Variants in GRIK2 observed in about 807,000 individuals in gnomAD.
The protein encoded by GRIK2 is glutamate ionotropic receptor kainate type subunit 2, also known as glutamate receptor ionotropic, kainate 2.
A neutral mutation model predicts 100.3 loss-of-function variants in GRIK2; 32 were observed. That is an observed-to-expected ratio of 0.32 (90% CI 0.24 to 0.43). The LOEUF (loss-of-function observed/expected upper bound fraction) is 0.43. Ranked by LOEUF, GRIK2 falls within the 20% of genes least tolerant of loss-of-function variation. The pLI is 1.00. For synonymous variants in GRIK2, 417 were observed against 389.4 expected, an observed-to-expected ratio of 1.07 and a Z score of -0.83; for missense variants, 843 against 1,114.9, an observed-to-expected ratio of 0.76 and a Z score of 3.47.
At chr6:102,046,929 A>T (rs1371487784) in intron 15 of GRIK2, among the ~76,000 whole-genome samples, 1 of 152,190 alleles carries the variant, frequency 6.6e-6, no homozygotes, top group African/African-American at 2.4e-5. Flanking sequence ...ATTAACAAGT[A>T]TGTAGAAATT....
intron 9 of GRIK2, among the ~76,000 whole-genome samples, chr6:101,809,471 A>G (rs1259104765): frequency 6.6e-6 from 1 of 152,018 alleles, no homozygotes; most frequent in African/African-American, 2.4e-5. Flanking sequence ...GAACTTATCT[A>G]AATCTGAAAA....
At chr6:102,006,388 ATATTT>A (rs1274538316) in intron 14 of GRIK2, among the ~76,000 whole-genome samples, 1 of 111,920 alleles carries the variant, frequency 8.9e-6, no homozygotes, top group African/African-American at 5.3e-5. Flanking sequence ...ATATATATAT[ATATTT>A]TTTTTTTTTT....
intron 7 of GRIK2, among the ~76,000 whole-genome samples, chr6:101,761,368 T>A (rs1383974788): frequency 6.6e-6 from 1 of 152,088 alleles, no homozygotes; most frequent in Non-Finnish European, 1.5e-5. Context: ...TTTTTCCCCA[T>A]GCAGCTATTT....
At chr6:101,994,640 T>G (rs1207491030) in intron 14 of GRIK2, among the ~76,000 whole-genome samples, 1 of 151,796 alleles carries the variant, frequency 6.6e-6, no homozygotes, top group African/African-American at 2.4e-5. Flanking sequence ...TGTGCAGGAT[T>G]TCTCCCCTAG....
chr6:101,489,037 G>A (rs1209782711), intron 2 of GRIK2, among the ~76,000 whole-genome samples: 1 of 146,104 alleles, frequency 6.8e-6, no homozygotes. Context: ...ATATTTTAAT[G>A]GGAAATTTTA....
rs1790054683 is a variant in GRIK2, at chr6:101,928,453, G to T, written c.1906G>T (p.Val636Leu). 6.2e-7 allele frequency: 1 copy of T among 1,607,342 alleles called. No individual in the cohort carries two copies. The highest frequency in any genetic ancestry group is 1.3e-5 in the African/African-American group (1 of 74,756). The change falls in exon 14 of 17, where the codon GTG becomes TTG. Residue 636 changes from valine to leucine, a missense_variant. Around this residue, in one of 3 missense-constraint regions of GRIK2, gnomAD observed 237 missense variants for 388.0 expected, o/e 0.61. Transcript: ENST00000369134. ...GCCCAAAGCACTGTCCACCAGGATA[G>T]TGGGAGGCATTTGGTGGTTTTTCAC... Reference protein sequence around the residue: ...LMPKALSTRIVGGIWWFFTLI... With the variant: ...LMPKALSTRILGGIWWFFTLI...
At position 101,889,742 on chromosome 6, in the gene GRIK2, C is replaced by T. The variant is rs750202511; in HGVS notation, c.1627C>T (p.Arg543Cys). ...GACACTTGGAATAAGTATTTTGTAC[C>T]GCAAGCCCAATGGTACAAACCCAGG... ...FMTLGISILY[R>C]KPNGTNPGVF... The change falls in exon 12 of 17, where the codon CGC (arginine) becomes TGC (cysteine). Residue 543 changes from arginine (R) to cysteine (C), a missense_variant. Transcript: ENST00000369134. 3.7e-6 allele frequency: 6 copies of T among 1,612,264 alleles called. No individual in the cohort carries two copies. The highest frequency in any genetic ancestry group is 1.1e-5 in the South Asian group (1 of 91,056).
chr6:102,022,810 C>T (rs1421805742), intron 14 of GRIK2, among the ~76,000 whole-genome samples: 1 of 151,506 alleles, frequency 6.6e-6, no homozygotes, highest in Non-Finnish European at 1.5e-5. Flanking sequence ...ACTAGCTGTG[C>T]CTGCTAGAGC....
Position 102,069,847 on chromosome 6 carries a change from A to C in GRIK2, c.*1336A>C, listed in dbSNP as rs770592303. On this transcript the variant is annotated 3_prime_UTR_variant, in exon 17 of 17. Transcript: ENST00000369134. ...AGAAAAAAGGAATCATAGAAGAGAA[A>C]TATTTTCAAGTTAGATAATATAAAA... The C allele has an allele frequency of 3.9e-5, 6 of 151,974 alleles. No individual in the cohort carries two copies. Among genetic ancestry groups the C allele is most frequent in the Non-Finnish European group, 8.8e-5 (6 of 67,980 alleles). The allele number at this position is 151,974 out of a possible 1,614,324, so 9.4% of individuals were successfully genotyped here. A position where few individuals can be genotyped will look rare whatever the true frequency, so the allele number is the denominator to read the frequency against.
intron 2 of GRIK2, among the ~76,000 whole-genome samples, chr6:101,620,673 T>G (rs951720748): frequency 2.6e-5 from 4 of 152,314 alleles, no homozygotes; most frequent in African/African-American, 9.6e-5. Flanking sequence ...AATTTATGAA[T>G]GACTGTACGG....
intron 2 of GRIK2, among the ~76,000 whole-genome samples, chr6:101,405,071 A>G (rs1030572317): frequency 6.6e-6 from 1 of 152,000 alleles, no homozygotes; most frequent in Non-Finnish European, 1.5e-5. Context: ...ACAGAACACA[A>G]CTCTTACCGA....
chr6:101,426,486 C>T (rs1385198765), intron 2 of GRIK2, among the ~76,000 whole-genome samples: 2 of 152,208 alleles, frequency 1.3e-5, no homozygotes, highest in East Asian at 1.9e-4. Context: ...CTCCTCCCTA[C>T]ACTTCCCAGC....
intron 2 of GRIK2, among the ~76,000 whole-genome samples, chr6:101,411,608 C>T (rs780967604): frequency 2.6e-4 from 39 of 152,064 alleles, no homozygotes; most frequent in Admixed American, 5.9e-4. Context: ...TAATGAGCAG[C>T]GGCATCAGCT....
intron 16 of GRIK2, among the ~76,000 whole-genome samples, chr6:102,059,803 G>A (rs1431693424): frequency 6.7e-6 from 1 of 150,292 alleles, no homozygotes; most frequent in East Asian, 1.9e-4. Context: ...TCTATAGTTT[G>A]ATCTCTTTTT....
intron 11 of GRIK2, among the ~76,000 whole-genome samples, chr6:101,879,821 C>T (rs1786121637): frequency 6.6e-6 from 1 of 151,720 alleles, no homozygotes; most frequent in African/African-American, 2.4e-5. Context: ...TAAACTTGGA[C>T]CACAGAAGTT....
intron 2 of GRIK2, among the ~76,000 whole-genome samples, chr6:101,554,733 A>G (rs1429478260): frequency 6.6e-6 from 1 of 152,170 alleles, no homozygotes; most frequent in Non-Finnish European, 1.5e-5. Context: ...TTCCTGTTTT[A>G]GTACCTATAG....
In GRIK2 at chr6:101,863,837, T is replaced by C. The variant is rs547849254; in HGVS notation, c.1524+4344T>C. On this transcript the variant is annotated intron_variant, in intron 11 of 16. Coordinates refer to ENST00000369134, the MANE Select transcript of GRIK2 (RefSeq NM_021956.5). ...AATGGGAATAATGATACTCACTTCA[T>C]TGAATGAAGATGTGGATTGGCCGGG... is the stretch of plus-strand genomic sequence containing the variant. Among the ~76,000 whole-genome samples the C allele has an allele frequency of 2.6e-5, 4 of 152,340 alleles. No homozygotes were observed. The South Asian group carries it at 6.2e-4, about 24-fold the overall frequency.
intron 2 of GRIK2, among the ~76,000 whole-genome samples, chr6:101,589,971 G>T (rs555379097): frequency 5.9e-5 from 9 of 152,030 alleles, no homozygotes; most frequent in Non-Finnish European, 1.2e-4. Context: ...AATATTTGAT[G>T]TACTACAAAA....
intron 12 of GRIK2, among the ~76,000 whole-genome samples, chr6:101,906,800 C>A (rs1483611736): frequency 1.3e-5 from 2 of 151,698 alleles, no homozygotes; most frequent in Non-Finnish European, 2.9e-5. Flanking sequence ...CTGTTGTCTA[C>A]CTGAGATTTG....
Sources: gnomAD v4.1 joint callset for allele counts (sites outside exome capture counted in the v4.1 genomes callset) on GRCh38, gnomAD v4.1.1 for gene constraint, gnomAD v4.1.1 regional missense constraint, MANE v1.5 for transcripts, NCBI Gene and HGNC (gene_info 2026-07-23, HGNC 2026-07-21) for gene names.